AGBL1: variants seen among roughly 807,000 people sequenced by gnomAD.
AGBL1 encodes AGBL carboxypeptidase 1, also known as cytosolic carboxypeptidase 4.
A neutral mutation model predicts 118.9 loss-of-function variants in AGBL1; 130 were observed. The observed-to-expected ratio is 1.09, with a 90% confidence interval of 0.95 to 1.26. The LOEUF (loss-of-function observed/expected upper bound fraction) is 1.26, where lower values mean the gene tolerates loss of function less well. AGBL1 is among the 50% of genes most tolerant of loss of function. The pLI is 0.00. For missense variants in AGBL1, 1,584 were observed against 1,298.1 expected, an observed-to-expected ratio of 1.22 and a Z score of -3.38; for synonymous variants, 555 against 478.9, an observed-to-expected ratio of 1.16 and a Z score of -2.08.
intron 22 of AGBL1, among the ~76,000 whole-genome samples, chr15:86,691,533 C>A (rs2086171671): frequency 6.6e-6 from 1 of 152,044 alleles, no homozygotes; most frequent in South Asian, 2.1e-4. Context: ...ACAGGAAAGC[C>A]TTGTAAAATG....
chr15:86,912,065 G>A lies in AGBL1; in HGVS notation c.*4771G>A, dbSNP rs966839753. 3 of 152,114 alleles carry A rather than the reference G, an allele frequency of 2.0e-5. No homozygotes were observed. The highest frequency in any genetic ancestry group is 2.0e-4 in the Admixed American group (3 of 15,266). The allele number at this position is 152,114 out of a possible 1,614,324, so 9.4% of individuals were successfully genotyped here. A position where few individuals can be genotyped will look rare whatever the true frequency, so the allele number is the denominator to read the frequency against. The stretch of plus-strand genomic sequence containing the variant: ...TCAGCTTCAAACTCAGACATCCAAT[G>A]TTTCAATGAAATCTCACTTATTTTC... On this transcript the variant is annotated 3_prime_UTR_variant, in exon 23 of 23. Coordinates refer to ENST00000614907, the MANE Select transcript of AGBL1 (RefSeq NM_001386094.1).
intron 22 of AGBL1, among the ~76,000 whole-genome samples, chr15:86,674,934 G>A (rs1479766208): frequency 2.0e-5 from 3 of 152,100 alleles, no homozygotes; most frequent in Admixed American, 6.6e-5. Context: ...TCAGAGAACC[G>A]GACTCCCAGC....
intron 24 of AGBL1, among the ~76,000 whole-genome samples, chr15:87,026,107 A>G (rs1395388302): frequency 1.3e-5 from 2 of 152,090 alleles, no homozygotes; most frequent in African/African-American, 4.8e-5. Flanking sequence ...GAAGGATTTC[A>G]TGACCAAGAA....
chr15:86,319,743 G>GTTTTTTTTTTTTTTTTTTTTTTTTTT lies in AGBL1; in HGVS notation c.2374+24346_2374+24371dup, dbSNP rs139831044. Among the ~76,000 whole-genome samples the GTTTTTTTTTTTTTTTTTTTTTTTTTT allele has an allele frequency of 6.3e-5, 3 of 47,254 alleles. 1 individual carries two copies. Among genetic ancestry groups the GTTTTTTTTTTTTTTTTTTTTTTTTTT allele is most frequent in the Non-Finnish European group, 1.1e-4 (3 of 27,908 alleles). 31.0% of individuals were successfully genotyped at this position (47,254 alleles called of 152,430 possible). A position where few individuals can be genotyped will look rare whatever the true frequency, so the allele number is the denominator to read the frequency against. ...TGTACTTTGTTTTGCCTCTTTGGTA[G>GTTTTTTTTTTTTTTTTTTTTTTTTTT]TTTTTTTTTTTTTTTTTTTTTTTTT... On this transcript the variant is annotated intron_variant, in intron 17 of 22. Coordinates refer to ENST00000614907, the MANE Select transcript of AGBL1 (RefSeq NM_001386094.1).
At chr15:86,539,092 A>G (rs2083461242) in intron 19 of AGBL1, among the ~76,000 whole-genome samples, 1 of 151,800 alleles carries the variant, frequency 6.6e-6, no homozygotes, top group Admixed American at 6.6e-5. Context: ...TCCAATCCAT[A>G]CCTTCCTGAT....
intron 21 of AGBL1, among the ~76,000 whole-genome samples, chr15:86,560,064 A>G (rs2083792556): frequency 6.6e-6 from 1 of 152,176 alleles, no homozygotes; most frequent in Non-Finnish European, 1.5e-5. Context: ...CAAGGGACTT[A>G]TGGATCACCC....
chr15:86,818,433 G>T (rs1294545788), intron 22 of AGBL1, among the ~76,000 whole-genome samples: 3 of 152,188 alleles, frequency 2.0e-5, no homozygotes, highest in South Asian at 4.1e-4. Flanking sequence ...CAGGTTGCAT[G>T]CTCCTGAGGA....
chr15:86,632,902 A>T (rs2084999769), intron 21 of AGBL1, among the ~76,000 whole-genome samples: 1 of 152,210 alleles, frequency 6.6e-6, no homozygotes, highest in Admixed American at 6.5e-5. Context: ...GCTTCAAACT[A>T]ACCATACTTG....
chr15:86,465,806 G>A (rs1300187284), intron 18 of AGBL1, among the ~76,000 whole-genome samples: 1 of 152,160 alleles, frequency 6.6e-6, no homozygotes, highest in Non-Finnish European at 1.5e-5. Flanking sequence ...TGCCCAGTGG[G>A]ACATGGACCT....
At chr15:86,949,639 TA>T (rs2080858509) in intron 23 of AGBL1, among the ~76,000 whole-genome samples, 1 of 152,118 alleles carries the variant, frequency 6.6e-6, no homozygotes, top group Admixed American at 6.6e-5. Context: ...ACAAAAATCA[TA>T]AAACTGCTAA....
intron 22 of AGBL1, among the ~76,000 whole-genome samples, chr15:86,726,940 G>C (rs765522564): frequency 3.9e-5 from 6 of 152,132 alleles, no homozygotes; most frequent in Admixed American, 2.6e-4. Flanking sequence ...TGGTAGAAAC[G>C]TCGTTTTCCT....
chr15:86,215,086 T>A (rs1361590052), intron 5 of AGBL1, among the ~76,000 whole-genome samples: 1 of 152,174 alleles, frequency 6.6e-6, no homozygotes, highest in African/African-American at 2.4e-5. Flanking sequence ...TTTTCTTTCC[T>A]TTCAGCATGC....
At chr15:86,234,473 C>G (rs190326503) in intron 6 of AGBL1, among the ~76,000 whole-genome samples, 13 of 149,174 alleles carry the variant, frequency 8.7e-5, no homozygotes, top group South Asian at 2.1e-4. Flanking sequence ...ATTGCTTGAA[C>G]TCTGGAGGCG....
intron 22 of AGBL1, among the ~76,000 whole-genome samples, chr15:86,810,673 C>T (rs1368736740): frequency 6.6e-6 from 1 of 152,148 alleles, no homozygotes; most frequent in African/African-American, 2.4e-5. Flanking sequence ...TGTACTGAAG[C>T]TTGTGTGTGG....
chr15:86,413,360 G>A (rs1200471587), intron 18 of AGBL1, among the ~76,000 whole-genome samples: 2 of 152,058 alleles, frequency 1.3e-5, no homozygotes, highest in African/African-American at 4.8e-5. Context: ...TATGACATTT[G>A]GGAATGCAAA....
At chr15:86,611,436 T>C (rs1050143095) in intron 21 of AGBL1, among the ~76,000 whole-genome samples, 1 of 152,182 alleles carries the variant, frequency 6.6e-6, no homozygotes, top group African/African-American at 2.4e-5. Flanking sequence ...ATGTGAAACA[T>C]CCCTTTAATG....
intron 5 of AGBL1, among the ~76,000 whole-genome samples, chr15:86,192,775 G>C (rs1045685206): frequency 2.6e-5 from 4 of 151,922 alleles, no homozygotes; most frequent in African/African-American, 9.7e-5. Context: ...TCAGATGTCA[G>C]GAAAAAATTT....
intron 22 of AGBL1, among the ~76,000 whole-genome samples, chr15:86,776,053 G>T (rs1750593737): frequency 6.6e-6 from 1 of 152,040 alleles, no homozygotes; most frequent in Non-Finnish European, 1.5e-5. Context: ...CTGACAATCT[G>T]GTCTCTGATG....
At chr15:86,471,731 T>C (rs1033950280) in intron 18 of AGBL1, among the ~76,000 whole-genome samples, 5 of 152,166 alleles carry the variant, frequency 3.3e-5, no homozygotes, top group Non-Finnish European at 7.4e-5. Flanking sequence ...AAGTAAAATG[T>C]GCACTAATGT....
Sources: gnomAD v4.1 joint callset for allele counts (sites outside exome capture counted in the v4.1 genomes callset) on GRCh38, gnomAD v4.1.1 for gene constraint, MANE v1.5 for transcripts, NCBI Gene and HGNC (gene_info 2026-07-23, HGNC 2026-07-21) for gene names.